Variants in RECK observed in about 807,000 individuals in gnomAD.
RECK encodes the protein reversion-inducing cysteine-rich protein with Kazal motifs.
RECK carries 69 observed loss-of-function variants against 115.1 expected under a neutral mutation model. The ratio of observed to expected loss-of-function variants is 0.60; its 90% CI spans 0.49 to 0.73. The LOEUF (loss-of-function observed/expected upper bound fraction) is 0.73, where lower values mean the gene tolerates loss of function less well. Ranked by LOEUF, RECK falls within the 30% of genes least tolerant of loss-of-function variation. RECK has a pLI of 0.00. For synonymous variants in RECK, 414 were observed against 419.7 expected (o/e 0.99, Z 0.17); for missense variants, 1,047 against 1,203.7 (o/e 0.87, Z 1.93).
chr9:36,092,016 T>G (rs189104029), intron 10 of RECK, among the ~76,000 whole-genome samples: 5 of 152,330 alleles, frequency 3.3e-5, no homozygotes, highest in Admixed American at 3.3e-4. Context: ...ATCATTCAAT[T>G]GGGCCAGAAG....
intron 13 of RECK, among the ~76,000 whole-genome samples, chr9:36,107,229 TCA>T (rs1451065254): frequency 6.6e-6 from 1 of 152,080 alleles, no homozygotes; most frequent in Non-Finnish European, 1.5e-5. Flanking sequence ...ACCCAAATAT[TCA>T]GTTTTTCCTT....
At chr9:36,076,676 T>C (rs1391101001) in intron 6 of RECK, among the ~76,000 whole-genome samples, 7 of 152,166 alleles carry the variant, frequency 4.6e-5, no homozygotes, top group East Asian at 1.9e-4. Context: ...GAACTAGTTA[T>C]TGAGAGCAGC....
chr9:36,101,519 C>G (rs1208131827), intron 11 of RECK, among the ~76,000 whole-genome samples: 1 of 152,072 alleles, frequency 6.6e-6, no homozygotes, highest in East Asian at 1.9e-4. Flanking sequence ...TTCGGGATAA[C>G]CTGATGGGGA....
rs116872374 is a variant in RECK, at chr9:36,068,802, G to C, written c.405+3178G>C. 7.2e-3 allele frequency among the ~76,000 whole-genome samples: 1,099 copies of C among 152,262 alleles called. 11 individuals are homozygous for C. The highest frequency in any genetic ancestry group is 0.011 in the Non-Finnish European group (770 of 68,028). ...AATATGCTCATCTCCCTTTCCAGGG[G>C]GATCTGCAAGGAAAACTGCTTCTCT... On this transcript the variant is annotated intron_variant, in intron 6 of 20. Transcript: ENST00000377966.
rs374632258 is a variant in RECK at position 36,083,534 on chromosome 9, A to G, written c.609A>G (p.Gln203=). ...QLIHCVNNYT[Q]SYPMRNPTDS... ...TACATTGTGTGAACAATTATACTCAATCTTATCCAATGAGGAACCCAACGG... is the reference window on the plus strand; with the variant it reads ...TACATTGTGTGAACAATTATACTCAGTCTTATCCAATGAGGAACCCAACGG... Residue 203 remains glutamine (Q), a synonymous_variant, in exon 8 of 21, where the codon CAA becomes CAG. Coordinates refer to ENST00000377966, the MANE Select transcript of RECK (RefSeq NM_021111.3). 5.6e-6 allele frequency: 9 copies of G among 1,613,596 alleles called. No homozygotes were observed. The highest frequency in any genetic ancestry group is 1.1e-5 in the South Asian group (1 of 91,026).
chr9:36,123,040 A>G lies in RECK; in HGVS notation c.2911A>G (p.Asn971Asp). The G allele has an allele frequency of 6.2e-7, 1 of 1,612,780 alleles. No individual in the cohort carries two copies. Among genetic ancestry groups the G allele is most frequent in the South Asian group, 1.1e-5 (1 of 90,946 alleles). Residue 971 changes from asparagine to aspartate, a missense_variant, in exon 21 of 21, where the codon AAC becomes GAC. Physicochemically the swap from Asn to Asp is conservative, Grantham distance 23. Coordinates refer to ENST00000377966, the MANE Select transcript of RECK (RefSeq NM_021111.3). ...GLALHLLWTY[N>D] ...TGCCTTGCACTTGCTCTGGACATAT[A>G]ACTGACTGCCCACGGAAAGTGCAGA...
chr9:36,104,290 G>GTATATATATA, intron 12 of RECK, among the ~76,000 whole-genome samples: 4 of 16,830 alleles, frequency 2.4e-4, no homozygotes, highest in African/African-American at 1.1e-3. Context: ...GTGTGTGTGT[G>GTATATATATA]TGTATATATA....
intron 1 of RECK, among the ~76,000 whole-genome samples, chr9:36,050,753 C>T (rs1317969841): frequency 6.6e-6 from 1 of 152,156 alleles, no homozygotes; most frequent in African/African-American, 2.4e-5. Context: ...CTTTTCTAGC[C>T]ACACTCTTTG....
At chr9:36,049,180 T>C (rs1279637171) in intron 1 of RECK, among the ~76,000 whole-genome samples, 2 of 152,218 alleles carry the variant, frequency 1.3e-5, no homozygotes, top group South Asian at 2.1e-4. Context: ...TACATCAATG[T>C]GTTCAACCAG....
At chr9:36,052,025 T>C (rs1821324118) in intron 1 of RECK, among the ~76,000 whole-genome samples, 1 of 152,180 alleles carries the variant, frequency 6.6e-6, no homozygotes, top group East Asian at 1.9e-4. Flanking sequence ...ATAGTAGCTA[T>C]TATTATTACA....
chr9:36,068,356 A>G (rs959811021), intron 6 of RECK, among the ~76,000 whole-genome samples: 1 of 152,228 alleles, frequency 6.6e-6, no homozygotes, highest in African/African-American at 2.4e-5. Context: ...ATTCAGGGAG[A>G]TAATCTAATC....
intron 2 of RECK, among the ~76,000 whole-genome samples, chr9:36,056,480 T>G (rs1226063809): frequency 6.6e-6 from 1 of 152,198 alleles, no homozygotes; most frequent in Non-Finnish European, 1.5e-5. Flanking sequence ...TTTCCCATAG[T>G]CCAAACTTTG....
intron 4 of RECK, among the ~76,000 whole-genome samples, chr9:36,060,454 G>A (rs7035468): frequency 0.46 from 69,971 of 151,890 alleles, 16,277 homozygotes; most frequent in Middle Eastern, 0.62. Context: ...CATTCACTCA[G>A]TCCTTAACTT....
chr9:36,101,226 C>T (rs1201563586), intron 11 of RECK, among the ~76,000 whole-genome samples: 2 of 152,204 alleles, frequency 1.3e-5, no homozygotes, highest in Non-Finnish European at 2.9e-5. Flanking sequence ...GCTGGGATTA[C>T]AGGCCTGAGC....
At chr9:36,056,705 A>C (rs911193419) in intron 2 of RECK, among the ~76,000 whole-genome samples, 1 of 152,180 alleles carries the variant, frequency 6.6e-6, no homozygotes, top group Non-Finnish European at 1.5e-5. Context: ...AATTTTATTT[A>C]ATTTTACTTG....
intron 2 of RECK, 41 bp from the exon 3 acceptor site, chr9:36,058,786 T>C (rs747165059): frequency 4.7e-6 from 7 of 1,475,136 alleles, no homozygotes; most frequent in African/African-American, 4.2e-5. Context: ...TTATTTCTTA[T>C]AGAAAAATGC....
At chr9:36,088,977 C>T (rs1384310143) in intron 9 of RECK, among the ~76,000 whole-genome samples, 1 of 152,106 alleles carries the variant, frequency 6.6e-6, no homozygotes, top group Non-Finnish European at 1.5e-5. Context: ...GCCGAGATTG[C>T]GCCACTGCAC....
At chr9:36,038,819 A>AC (rs1820765402) in intron 1 of RECK, among the ~76,000 whole-genome samples, 1 of 152,124 alleles carries the variant, frequency 6.6e-6, no homozygotes, top group East Asian at 1.9e-4. Context: ...ACAACAAAAA[A>AC]AAAAACAAGA....
At chr9:36,053,827 C>A (rs1440137140) in intron 2 of RECK, among the ~76,000 whole-genome samples, 2 of 152,124 alleles carry the variant, frequency 1.3e-5, no homozygotes, top group African/African-American at 2.4e-5. Context: ...ACTATAGTCA[C>A]CCTAATAAAG....
Sources: gnomAD v4.1 joint callset for allele counts (sites outside exome capture counted in the v4.1 genomes callset) on GRCh38, gnomAD v4.1.1 for gene constraint, MANE v1.5 for transcripts, NCBI Gene and HGNC (gene_info 2026-07-23, HGNC 2026-07-21) for gene names.